Variants in SPATA13 observed in about 807,000 individuals in gnomAD.
SPATA13 encodes spermatogenesis associated 13, also known as spermatogenesis-associated protein 13.
In SPATA13, 50 loss-of-function variants were observed where a neutral mutation model predicts 104.0. The observed-to-expected ratio is 0.48, with a 90% CI of 0.38 to 0.61. The LOEUF is 0.61. SPATA13 is among the 20% of genes least tolerant of loss of function. The pLI is 0.00. For missense variants in SPATA13, 1,524 were observed against 1,690.6 expected (o/e 0.90, Z 1.73); for synonymous variants, 606 against 667.5 (o/e 0.91, Z 1.42).
chr13:24,240,308 T>G (rs968200868), intron 2 of SPATA13, among the ~76,000 whole-genome samples: 1 of 152,122 alleles, frequency 6.6e-6, no homozygotes, highest in Non-Finnish European at 1.5e-5. Flanking sequence ...TCTACCTGGA[T>G]GTCAATCTCA....
chr13:24,121,557 A>G (rs768701435), intron 3 of SPATA13, among the ~76,000 whole-genome samples: 10 of 152,232 alleles, frequency 6.6e-5, no homozygotes, highest in Non-Finnish European at 1.0e-4. Flanking sequence ...AAGATTGAAT[A>G]AAGCTATCAG....
Position 24,197,763 on chromosome 13 carries a change from TA to T in SPATA13, c.-111-25050del, listed in dbSNP as rs1313145191. On this transcript the variant is annotated intron_variant, in intron 1 of 12. Coordinates refer to ENST00000382108, the MANE Select transcript of SPATA13 (RefSeq NM_001166271.3). ...CTTATTTCCATGTTCTGACTAATTTTAAAAAATATGTATAAGGATTAGTGAG... is the reference window on the plus strand; with the variant it reads ...CTTATTTCCATGTTCTGACTAATTTTAAAAATATGTATAAGGATTAGTGAG... Among the ~76,000 whole-genome samples, 5 of 152,230 alleles carry T rather than the reference TA, an allele frequency of 3.3e-5. No homozygotes were observed. In the South Asian group the frequency reaches 1.0e-3, roughly 32 times the overall value.
chr13:24,001,212 C>T (rs1875951331), intron 2 of SPATA13, among the ~76,000 whole-genome samples: 1 of 152,158 alleles, frequency 6.6e-6, no homozygotes, highest in Non-Finnish European at 1.5e-5. Context: ...GAAGTAGTCA[C>T]ATATACAAGA....
In SPATA13 at chr13:24,304,219, C is replaced by T. The variant is rs1877419233; in HGVS notation, c.*1446C>T. 1 of 152,228 alleles carries T rather than the reference C, an allele frequency of 6.6e-6. No individual in the cohort carries two copies. Among genetic ancestry groups the T allele is most frequent in the Non-Finnish European group, 1.5e-5 (1 of 68,040 alleles). The allele number at this position is 152,228 out of a possible 1,614,324, so 9.4% of individuals were successfully genotyped here. A position where few individuals can be genotyped will look rare whatever the true frequency, so the allele number is the denominator to read the frequency against. Reference sequence around the variant, plus strand: ...AAAAGACCTTCACAAAATATCTTGGCTTAGAGATAGCAGTCTTTATTAACA... The same window carrying T: ...AAAAGACCTTCACAAAATATCTTGGTTTAGAGATAGCAGTCTTTATTAACA... On this transcript the variant is annotated 3_prime_UTR_variant, in exon 13 of 13. Coordinates refer to ENST00000382108, the MANE Select transcript of SPATA13 (RefSeq NM_001166271.3).
Position 24,294,789 on chromosome 13 carries a change from G to A in SPATA13, c.3131G>A (p.Cys1044Tyr). 1.2e-6 allele frequency: 2 copies of A among 1,611,186 alleles called. No individual in the cohort carries two copies. The highest frequency in any genetic ancestry group is 1.7e-6 in the Non-Finnish European group (2 of 1,177,470). The change falls in exon 10 of 13, where the codon TGT becomes TAT. Residue 1044 changes from cysteine to tyrosine, a missense_variant. Transcript: ENST00000382108. The part of the protein sequence containing the change: ...AAYEAMKNVA[C>Y]LINERKRKLE... ...TATGAGGCCATGAAGAATGTGGCCT[G>A]TCTGATCAACGAGCGCAAGCGCAAG...
chr13:24,065,680 T>G (rs563899531), intron 3 of SPATA13, among the ~76,000 whole-genome samples: 4 of 152,346 alleles, frequency 2.6e-5, no homozygotes, highest in African/African-American at 9.6e-5. Context: ...ATAGATGGAA[T>G]TAATACTAGA....
Position 24,011,864 on chromosome 13 carries a change from A to G in SPATA13, c.-146-5803A>G, listed in dbSNP as rs1001507678. Among the ~76,000 whole-genome samples, 16 of 152,112 alleles carry G rather than the reference A, an allele frequency of 1.1e-4. No homozygotes were observed. Among genetic ancestry groups the G allele is most frequent in the Non-Finnish European group, 1.3e-4 (9 of 67,996 alleles). ...CCTGCACAGGCAAACTTGGGGGACC[A>G]TGAGGGATGATCCCACAGACCCAGA... is the stretch of plus-strand genomic sequence containing the variant. On this transcript the variant is annotated intron_variant, in intron 2 of 14. Transcript: ENST00000424834. The surrounding 1 kb of genome is among the most constrained non-coding windows in gnomAD (Gnocchi z 4.3).
intron 3 of SPATA13, among the ~76,000 whole-genome samples, chr13:24,085,889 G>C (rs955825819): frequency 6.6e-6 from 1 of 152,262 alleles, no homozygotes; most frequent in Non-Finnish European, 1.5e-5. Flanking sequence ...CCAGGGCGCA[G>C]CCACAGAGTA....
Position 24,076,266 on chromosome 13 carries a change from C to T in SPATA13, c.-112+58565C>T, listed in dbSNP as rs566105030. Among the ~76,000 whole-genome samples the T allele has an allele frequency of 2.0e-5, 3 of 152,230 alleles. No individual in the cohort carries two copies. The East Asian group carries it at 5.8e-4, about 29-fold the overall frequency. On this transcript the variant is annotated intron_variant, in intron 3 of 14. Transcript: ENST00000424834. ...AAAAGTTGATTATTAACTATGCAGC[C>T]TGAACTCCTGGGAAATGAGTGGTTT...
intron 1 of SPATA13, among the ~76,000 whole-genome samples, chr13:24,181,852 C>T (rs1386536781): frequency 1.5e-5 from 2 of 135,308 alleles, no homozygotes; most frequent in African/African-American, 5.4e-5. Context: ...TGGTGGCTTA[C>T]ACCTATAATC....
In SPATA13 at chr13:24,091,617, T is replaced by C. The variant is rs184371270; in HGVS notation, c.-112+73916T>C. Among the ~76,000 whole-genome samples the C allele has an allele frequency of 5.3e-5, 8 of 152,212 alleles. No homozygotes were observed. In the East Asian group the frequency reaches 1.4e-3, roughly 26 times the overall value. On this transcript the variant is annotated intron_variant, in intron 3 of 14. Transcript: ENST00000424834. ...TTAATGGTCAGGAGTCTGAGACCAG[T>C]TTGGCCAACATGGTGAAACCTCGTT...
At chr13:24,302,497 C>T (rs1182649215) in intron 12 of SPATA13, 101 bp from the exon 13 acceptor site, 5 of 412,538 alleles carry the variant, frequency 1.2e-5, no homozygotes, top group African/African-American at 4.3e-5. Flanking sequence ...AAAGAATTAG[C>T]TGAGAACTTG....
chr13:24,143,028 A>G (rs973998479), intron 3 of SPATA13, among the ~76,000 whole-genome samples: 10 of 152,306 alleles, frequency 6.6e-5, no homozygotes, highest in Admixed American at 3.9e-4. Flanking sequence ...CAATGGCTTG[A>G]GTCCAAGTTG....
intron 4 of SPATA13, among the ~76,000 whole-genome samples, chr13:24,282,164 GT>G (rs370066063): frequency 7.5e-4 from 113 of 151,134 alleles, no homozygotes; most frequent in African/African-American, 2.6e-3. Context: ...AAGCATGATG[GT>G]GGGGGGTGGG....
chr13:24,057,984 AAGG>A (rs1346679374), intron 3 of SPATA13, among the ~76,000 whole-genome samples: 1 of 151,772 alleles, frequency 6.6e-6, no homozygotes, highest in Non-Finnish European at 1.5e-5. Flanking sequence ...GGGATGCAGA[AAGG>A]AGATGTTCAT....
chr13:24,156,005 G>A (rs1469315101), upstream of SPATA13, among the ~76,000 whole-genome samples: 1 of 152,170 alleles, frequency 6.6e-6, no homozygotes, highest in Non-Finnish European at 1.5e-5. Flanking sequence ...TGCAGCGTGT[G>A]TCGGAATTTT....
chr13:24,225,388 G>A (rs1871872208), intron 2 of SPATA13, among the ~76,000 whole-genome samples: 1 of 152,162 alleles, frequency 6.6e-6, no homozygotes, highest in South Asian at 2.1e-4. Flanking sequence ...GCGTGTGGAC[G>A]AGGGGAACGT....
At chr13:24,116,559 C>A (rs1368847155) in intron 3 of SPATA13, among the ~76,000 whole-genome samples, 2 of 152,170 alleles carry the variant, frequency 1.3e-5, no homozygotes, top group Non-Finnish European at 2.9e-5. Flanking sequence ...CTCAGGCAGT[C>A]CCCACAACGA....
chr13:24,002,064 GGAGTGACGA>G (rs1466771585), intron 2 of SPATA13, among the ~76,000 whole-genome samples: 1 of 151,986 alleles, frequency 6.6e-6, no homozygotes, highest in Admixed American at 6.6e-5. Context: ...TGGCCGAGAG[GGAGTGACGA>G]GAGGTCACTG....
Sources: gnomAD v4.1 joint callset for allele counts (sites outside exome capture counted in the v4.1 genomes callset) on GRCh38, gnomAD v4.1.1 for gene constraint, Gnocchi (gnomAD v3.1) non-coding constraint, MANE v1.5 for transcripts, NCBI Gene and HGNC (gene_info 2026-07-23, HGNC 2026-07-21) for gene names.